SGCZ: variants seen among roughly 807,000 people sequenced by gnomAD.
SGCZ encodes the protein zeta-sarcoglycan.
A neutral mutation model predicts 41.3 loss-of-function variants in SGCZ; 40 were observed. The ratio of observed to expected loss-of-function variants is 0.97; its 90% CI spans 0.75 to 1.26. The LOEUF (loss-of-function observed/expected upper bound fraction) is 1.26, where lower values mean the gene tolerates loss of function less well. Ranked by LOEUF, SGCZ falls within the 50% of genes most tolerant of loss-of-function variation. The probability of loss-of-function intolerance (pLI) is 0.00; values close to 1 mark genes in which losing one functional copy is unlikely to be tolerated. For synonymous variants in SGCZ, 206 were observed against 137.5 expected (o/e 1.50, Z -3.49); for missense variants, 552 against 369.8 (o/e 1.49, Z -4.04).
intron 3 of SGCZ, among the ~76,000 whole-genome samples, chr8:14,310,994 G>A (rs1801523033): frequency 6.6e-6 from 1 of 152,134 alleles, no homozygotes; most frequent in Admixed American, 6.6e-5. Flanking sequence ...CTGGGTTTGA[G>A]ACTATTGCTT....
intron 3 of SGCZ, among the ~76,000 whole-genome samples, chr8:14,258,235 T>TGAAAACA (rs1799534168): frequency 6.6e-6 from 1 of 151,798 alleles, no homozygotes; most frequent in Non-Finnish European, 1.5e-5. Context: ...ATGAAGATTA[T>TGAAAACA]AATGAAAACT....
intron 1 of SGCZ, among the ~76,000 whole-genome samples, chr8:14,799,248 G>A (rs900362624): frequency 3.7e-4 from 56 of 152,140 alleles, no homozygotes; most frequent in African/African-American, 1.2e-3. Flanking sequence ...AGGACTTAAC[G>A]AGATGACCTT....
chr8:14,237,824 G>C (rs182184376), intron 3 of SGCZ, 145 bp from the exon 4 acceptor site: 3 of 625,982 alleles, frequency 4.8e-6, no homozygotes, highest in Non-Finnish European at 5.3e-6. Context: ...CCAATCATTG[G>C]TGGACAATGT....
chr8:14,371,835 T>A (rs984050225), intron 2 of SGCZ, among the ~76,000 whole-genome samples: 1 of 152,086 alleles, frequency 6.6e-6, no homozygotes, highest in Non-Finnish European at 1.5e-5. Flanking sequence ...AAATAAGATG[T>A]ACATATGGAG....
chr8:14,836,578 A>G (rs1235114575), intron 1 of SGCZ, among the ~76,000 whole-genome samples: 1 of 152,180 alleles, frequency 6.6e-6, no homozygotes, highest in Non-Finnish European at 1.5e-5. Flanking sequence ...GGCTCACTGC[A>G]ACCTTCATCT....
chr8:14,486,678 A>G (rs1217802382), intron 2 of SGCZ, among the ~76,000 whole-genome samples: 1 of 152,246 alleles, frequency 6.6e-6, no homozygotes, highest in African/African-American at 2.4e-5. Flanking sequence ...GGATCAAGCA[A>G]TGCTGCGCCT....
intron 1 of SGCZ, among the ~76,000 whole-genome samples, chr8:15,034,958 G>T (rs1291213199): frequency 1.3e-5 from 2 of 152,006 alleles, no homozygotes; most frequent in African/African-American, 4.8e-5. Flanking sequence ...AAGCCTATTG[G>T]GAATTTTTTT....
intron 3 of SGCZ, among the ~76,000 whole-genome samples, chr8:14,284,256 G>A (rs1042021059): frequency 1.3e-5 from 2 of 152,124 alleles, no homozygotes; most frequent in Non-Finnish European, 2.9e-5. Context: ...GCCAAGGGTG[G>A]TGGTACACAG....
intron 3 of SGCZ, among the ~76,000 whole-genome samples, chr8:14,305,678 G>A (rs1358630669): frequency 6.6e-6 from 1 of 152,168 alleles, no homozygotes; most frequent in Non-Finnish European, 1.5e-5. Flanking sequence ...GATAGTCTTT[G>A]TGGTAGCTTG....
chr8:14,465,276 T>C (rs1425363828), intron 2 of SGCZ, among the ~76,000 whole-genome samples: 1 of 151,744 alleles, frequency 6.6e-6, no homozygotes, highest in Non-Finnish European at 1.5e-5. Flanking sequence ...TTTATAGTTA[T>C]TAAATATTTT....
chr8:14,901,605 A>C (rs1798974194), intron 1 of SGCZ, among the ~76,000 whole-genome samples: 1 of 151,904 alleles, frequency 6.6e-6, no homozygotes, highest in South Asian at 2.1e-4. Flanking sequence ...TTGGGGTGAA[A>C]ATTTTCGGGT....
intron 3 of SGCZ, among the ~76,000 whole-genome samples, chr8:14,271,768 A>T (rs1049567452): frequency 9.2e-5 from 14 of 152,156 alleles, no homozygotes; most frequent in African/African-American, 3.4e-4. Context: ...CAGCTGTCCA[A>T]GTGAAGATCC....
chr8:14,489,465 A>C (rs765494650), intron 2 of SGCZ, among the ~76,000 whole-genome samples: 2 of 152,190 alleles, frequency 1.3e-5, no homozygotes, highest in Non-Finnish European at 2.9e-5. Context: ...ACATTTGTAC[A>C]TGTAAATTAA....
chr8:14,980,963 C>T (rs1801644312), intron 1 of SGCZ, among the ~76,000 whole-genome samples: 1 of 152,182 alleles, frequency 6.6e-6, no homozygotes, highest in South Asian at 2.1e-4. Flanking sequence ...CATTACTGGA[C>T]ATCCAGATGC....
At chr8:14,506,905 T>C (rs1461606927) in intron 2 of SGCZ, among the ~76,000 whole-genome samples, 1 of 152,138 alleles carries the variant, frequency 6.6e-6, no homozygotes, top group Non-Finnish European at 1.5e-5. Context: ...CCCTTGCCCT[T>C]TAGACTTTGA....
intron 1 of SGCZ, among the ~76,000 whole-genome samples, chr8:14,858,988 GA>G (rs1208608587): frequency 6.6e-6 from 1 of 151,454 alleles, no homozygotes; most frequent in Admixed American, 6.6e-5. Flanking sequence ...GCTAATTTTT[GA>G]AAAAAAGACC....
intron 2 of SGCZ, among the ~76,000 whole-genome samples, chr8:14,500,444 T>C (rs1189824230): frequency 6.7e-6 from 1 of 150,098 alleles, no homozygotes; most frequent in Non-Finnish European, 1.5e-5. Context: ...CCAGTTACTT[T>C]TTTTTTTTTA....
intron 1 of SGCZ, among the ~76,000 whole-genome samples, chr8:14,774,537 T>A (rs1210744740): frequency 6.6e-6 from 1 of 152,172 alleles, no homozygotes; most frequent in Non-Finnish European, 1.5e-5. Flanking sequence ...TCCCACATGG[T>A]GTGGAAATCA....
intron 1 of SGCZ, among the ~76,000 whole-genome samples, chr8:14,701,983 T>G (rs1809152708): frequency 6.6e-6 from 1 of 151,906 alleles, no homozygotes; most frequent in African/African-American, 2.4e-5. Context: ...GTCCTCCTCT[T>G]AAAGGTCACG....
Sources: gnomAD v4.1 joint callset for allele counts (sites outside exome capture counted in the v4.1 genomes callset) on GRCh38, gnomAD v4.1.1 for gene constraint, MANE v1.5 for transcripts, NCBI Gene and HGNC (gene_info 2026-07-23, HGNC 2026-07-21) for gene names.